Variants in KLF13 observed in about 807,000 individuals in gnomAD.
KLF13 encodes KLF transcription factor 13.
Under a neutral mutation model 16.7 loss-of-function variants are expected in KLF13, and 8 were observed. That is an observed-to-expected ratio of 0.48 (90% CI 0.28 to 0.87). The LOEUF (loss-of-function observed/expected upper bound fraction) is 0.87. Among genes scored for constraint, KLF13 ranks in the 40% least tolerant of loss-of-function variants. The pLI is 0.10. For synonymous variants in KLF13, 245 were observed against 208.4 expected (o/e 1.18, Z -1.51); for missense variants, 447 against 452.2 (o/e 0.99, Z 0.10).
intron 1 of KLF13, among the ~76,000 whole-genome samples, chr15:31,410,607 A>G (rs2040181163): frequency 6.6e-6 from 1 of 150,974 alleles, no homozygotes; most frequent in Non-Finnish European, 1.5e-5. Flanking sequence ...ACACACACAC[A>G]CACACACACA....
rs187102947 is a variant in KLF13 at position 31,347,207 on chromosome 15, G to T, written c.577+19418G>T. On this transcript the variant is annotated intron_variant, in intron 1 of 1. Coordinates refer to ENST00000307145, the MANE Select transcript of KLF13 (RefSeq NM_015995.4). ...GTAGCACCAGCCTTCCCAGAAAAAGGCTTCTTTGGCAGGGCCTGGGAACCT... is the reference window on the plus strand; with the variant it reads ...GTAGCACCAGCCTTCCCAGAAAAAGTCTTCTTTGGCAGGGCCTGGGAACCT... 9.7e-3 allele frequency among the ~76,000 whole-genome samples: 1,478 copies of T among 152,310 alleles called. 11 individuals are homozygous for T. Among genetic ancestry groups the T allele is most frequent in the Non-Finnish European group, 0.013 (880 of 68,022 alleles).
rs1390677741 is a variant in KLF13, at chr15:31,327,225, G to A, written c.13G>A (p.Ala5Thr). The A allele has an allele frequency of 3.7e-6, 5 of 1,350,592 alleles. No individual in the cohort carries two copies. Among genetic ancestry groups the A allele is most frequent in the Admixed American group, 6.6e-5 (2 of 30,202 alleles). 83.7% of individuals were successfully genotyped at this position (1,350,592 alleles called of 1,614,324 possible). A position where few individuals can be genotyped will look rare whatever the true frequency, so the allele number is the denominator to read the frequency against. MAAA[A>T]YVDHFAAECL... ...CCCAGCCCGCAGCATGGCAGCCGCC[G>A]CCTATGTGGACCACTTCGCCGCCGA... is the stretch of plus-strand genomic sequence containing the variant. Residue 5 changes from alanine to threonine, a missense_variant, in exon 1 of 2, where the codon GCC becomes ACC. Coordinates refer to ENST00000307145, the MANE Select transcript of KLF13 (RefSeq NM_015995.4).
In KLF13 at chr15:31,327,040, G is replaced by A. The variant is rs2038720501; in HGVS notation, c.-173G>A. 2.2e-6 allele frequency: 1 copy of A among 451,484 alleles called. No individual in the cohort carries two copies. Among genetic ancestry groups the A allele is most frequent in the Non-Finnish European group, 3.0e-6 (1 of 328,198 alleles). 28.0% of individuals were successfully genotyped at this position (451,484 alleles called of 1,614,324 possible). A position where few individuals can be genotyped will look rare whatever the true frequency, so the allele number is the denominator to read the frequency against. On this transcript the variant is annotated 5_prime_UTR_variant, in exon 1 of 2. Transcript: ENST00000307145. ...CCGGCCGGGCCGGCGCCTCGCAGAC[G>A]CGGAGCCGCGCGGGTGACGGCACAG...
chr15:31,353,786 G>A (rs902202281), intron 1 of KLF13, among the ~76,000 whole-genome samples: 36 of 152,168 alleles, frequency 2.4e-4, no homozygotes, highest in African/African-American at 8.7e-4. Context: ...CTGGGGCAGG[G>A]GGCTCTCGGC....
At chr15:31,398,150 C>A (rs943370457) in intron 2 of KLF13, among the ~76,000 whole-genome samples, 9 of 152,208 alleles carry the variant, frequency 5.9e-5, no homozygotes, top group Admixed American at 2.0e-4. Context: ...CAGGTTCCCA[C>A]CACAAAGCAC....
chr15:31,387,756 C>T (rs1471022965), intron 1 of KLF13, among the ~76,000 whole-genome samples: 2 of 152,248 alleles, frequency 1.3e-5, no homozygotes, highest in African/African-American at 4.8e-5. Flanking sequence ...TGGCCAGGTT[C>T]AGGCAGGCCT....
intron 2 of KLF13, among the ~76,000 whole-genome samples, chr15:31,402,371 A>G (rs1426363804): frequency 6.6e-6 from 1 of 152,192 alleles, no homozygotes; most frequent in Non-Finnish European, 1.5e-5. Context: ...GGGAGATGAA[A>G]GCAGTGTGCT....
Position 31,377,075 on chromosome 15 carries a change from G to T in KLF13, c.*4776G>T, listed in dbSNP as rs937462645. The T allele has an allele frequency of 1.3e-5, 2 of 152,170 alleles. No individual in the cohort carries two copies. The highest frequency in any genetic ancestry group is 4.8e-5 in the African/African-American group (2 of 41,386). 9.4% of individuals were successfully genotyped at this position (152,170 alleles called of 1,614,324 possible). ...TTCCCTGGCCTCTTCTAGAGGGCCC[G>T]TGGACAGGTCGCAGTGCGTGCTTAT... On this transcript the variant is annotated 3_prime_UTR_variant, in exon 2 of 2. Coordinates refer to ENST00000307145, the MANE Select transcript of KLF13 (RefSeq NM_015995.4).
intron 2 of KLF13, among the ~76,000 whole-genome samples, chr15:31,397,829 C>G (rs572390987): frequency 7.7e-6 from 1 of 129,860 alleles, no homozygotes; most frequent in East Asian, 2.4e-4. Flanking sequence ...GAGTTAGGAG[C>G]TGGATGTGGG....
At position 31,327,346 on chromosome 15, in the gene KLF13, C is replaced by A. The variant is rs2038729730; in HGVS notation, c.134C>A (p.Thr45Lys). The change falls in exon 1 of 2, where the codon ACG becomes AAG. Residue 45 changes from threonine (T) to lysine (K), a missense_variant. By Grantham distance (78) the Thr-to-Lys change is moderately conservative. Around this residue, in one of 2 missense-constraint regions of KLF13, gnomAD observed 359 missense variants for 282.8 expected, o/e 1.27. Coordinates refer to ENST00000307145, the MANE Select transcript of KLF13 (RefSeq NM_015995.4). The part of the protein sequence containing the change: ...PEGAAVAATP[T>K]LPRVEERRDG... The stretch of plus-strand genomic sequence containing the variant: ...GGCGCGGCCGTGGCCGCCACCCCCA[C>A]GCTGCCCCGCGTCGAGGAGCGCCGC... The A allele has an allele frequency of 7.8e-6, 10 of 1,277,056 alleles. No homozygotes were observed. The highest frequency in any genetic ancestry group is 9.9e-6 in the Non-Finnish European group (10 of 1,014,502). The allele number at this position is 1,277,056 out of a possible 1,614,324, so 79.1% of individuals were successfully genotyped here. A position where few individuals can be genotyped will look rare whatever the true frequency, so the allele number is the denominator to read the frequency against.
upstream of KLF13, among the ~76,000 whole-genome samples, chr15:31,391,679 ACTGTTGGGGGGCTGTGTGGGGGCT>A (rs1372503727): frequency 7.4e-6 from 1 of 134,720 alleles, no homozygotes; most frequent in African/African-American, 2.8e-5. Context: ...CTCTAGGTGC[ACTGTTGGGGGGCTGTGTGGGGGCT>A]CTGTAGGGGG....
At chr15:31,390,680 C>T (rs539256648), upstream of KLF13, among the ~76,000 whole-genome samples, 3 of 152,340 alleles carry the variant, frequency 2.0e-5, no homozygotes, top group Admixed American at 1.3e-4. Flanking sequence ...TTCCTTAGGT[C>T]TGCAACGCTT....
chr15:31,370,435 T>G (rs1294913106), intron 1 of KLF13, among the ~76,000 whole-genome samples: 2 of 152,094 alleles, frequency 1.3e-5, no homozygotes, highest in African/African-American at 4.8e-5. Context: ...CTTTTTTTTT[T>G]TGAGACAGAC....
chr15:31,411,177 A>G (rs994006476), intron 1 of KLF13, among the ~76,000 whole-genome samples: 2 of 152,226 alleles, frequency 1.3e-5, no homozygotes, highest in Non-Finnish European at 2.9e-5. Context: ...AGATGAAGAA[A>G]ACTACAAGCT....
chr15:31,331,999 C>A (rs1169385515), intron 1 of KLF13, among the ~76,000 whole-genome samples: 3 of 152,232 alleles, frequency 2.0e-5, no homozygotes, highest in African/African-American at 7.2e-5. Context: ...GGTTATATGG[C>A]TGCATTGTAA....
chr15:31,417,987 C>T (rs896655650), intron 1 of KLF13, among the ~76,000 whole-genome samples: 2 of 152,060 alleles, frequency 1.3e-5, no homozygotes, highest in Non-Finnish European at 2.9e-5. Context: ...ATTCAACACA[C>T]AAGGATACAG....
intron 1 of KLF13, among the ~76,000 whole-genome samples, chr15:31,341,501 C>CTTT (rs35489650): frequency 1.5e-4 from 17 of 117,112 alleles, no homozygotes; most frequent in African/African-American, 5.0e-4. Context: ...AATTCAGAAT[C>CTTT]TTTTTTTTTT....
chr15:31,333,223 G>A (rs994575042), intron 1 of KLF13, among the ~76,000 whole-genome samples: 2 of 152,164 alleles, frequency 1.3e-5, no homozygotes, highest in Admixed American at 6.5e-5. Flanking sequence ...AAATAAGGAA[G>A]CTAAGGCTCC....
At chr15:31,379,433 A>C (rs1389656995), downstream of KLF13, among the ~76,000 whole-genome samples, 1 of 151,986 alleles carries the variant, frequency 6.6e-6, no homozygotes, top group African/African-American at 2.4e-5. Flanking sequence ...GATGCTTAAA[A>C]AATATTGACA....
Sources: allele counts gnomAD v4.1 joint callset (sites outside exome capture counted in the v4.1 genomes callset), GRCh38; gene constraint gnomAD v4.1.1; regional missense constraint gnomAD v4.1.1; transcripts MANE v1.5; gene names NCBI Gene and HGNC (gene_info 2026-07-23, HGNC 2026-07-21).